CASK: variants seen among roughly 807,000 people sequenced by gnomAD.
CASK encodes the protein peripheral plasma membrane protein CASK.
CASK carries 4 observed loss-of-function variants against 82.9 expected under a neutral mutation model. That is an observed-to-expected ratio of 0.05 (90% CI 0.02 to 0.11). The LOEUF (loss-of-function observed/expected upper bound fraction) is 0.11. Among genes scored for constraint, CASK ranks in the 10% least tolerant of loss-of-function variants. The pLI, the probability that CASK is intolerant of heterozygous loss-of-function variation, is 1.00. For synonymous variants in CASK, 259 were observed against 253.5 expected, an observed-to-expected ratio of 1.02 and a Z score of -0.20; for missense variants, 358 against 720.9, an observed-to-expected ratio of 0.50 and a Z score of 5.76.
intron 3 of CASK, among the ~76,000 whole-genome samples, chrX:41,761,379 A>T (rs990169033): frequency 2.7e-5 from 3 of 111,579 alleles, no homozygotes; most frequent in African/African-American, 9.8e-5. Flanking sequence ...AAGGTGGTAC[A>T]GGTGAAGGAT....
At chrX:41,569,600 T>C (rs2065376081) in intron 16 of CASK, 68 bp downstream of exon 16, 1 of 781,166 alleles carries the variant, frequency 1.3e-6, no homozygotes, top group African/African-American at 2.1e-5. Flanking sequence ...AACAAAAACA[T>C]TTTCTTCACT....
At chrX:41,617,340 T>C (rs987806195) in intron 11 of CASK, among the ~76,000 whole-genome samples, 1 of 112,532 alleles carries the variant, frequency 8.9e-6, no homozygotes, top group Non-Finnish European at 1.9e-5. Context: ...TGATGGGTTC[T>C]CAATCATGAA....
rs777521686 is a variant in CASK at position 41,596,751 on chromosome X, A to C, written c.1156-7159T>G. On this transcript the variant is annotated intron_variant, in intron 12 of 26. Transcript: ENST00000378163. Reference sequence around the variant, plus strand: ...ATGTGAACAGCTGCAAGGGAAACAGACTGTCTCATATTGTCTCACAGATAG... The same window carrying C: ...ATGTGAACAGCTGCAAGGGAAACAGCCTGTCTCATATTGTCTCACAGATAG... 1.7e-3 allele frequency among the ~76,000 whole-genome samples: 192 copies of C among 112,216 alleles called. 1 individual carries two copies. Among genetic ancestry groups the C allele is most frequent in the African/African-American group, 6.0e-3 (185 of 30,898 alleles).
intron 2 of CASK, among the ~76,000 whole-genome samples, chrX:41,789,213 G>A (rs1228998346): frequency 8.9e-6 from 1 of 111,921 alleles, no homozygotes. Context: ...AGGATCTGGA[G>A]TCAGAAAATA....
intron 2 of CASK, among the ~76,000 whole-genome samples, chrX:41,842,806 G>A (rs910508991): frequency 2.7e-5 from 3 of 111,394 alleles, no homozygotes; most frequent in African/African-American, 3.3e-5. Context: ...AGGCAAACAC[G>A]AGAGATCTTA....
intron 2 of CASK, among the ~76,000 whole-genome samples, chrX:41,821,939 GC>G (rs931215968): frequency 8.9e-6 from 1 of 111,762 alleles, no homozygotes; most frequent in African/African-American, 3.3e-5. Flanking sequence ...GAAGATTCCT[GC>G]CCTAGCCCTC....
chrX:41,696,913 G>A lies in CASK; in HGVS notation c.430-25383C>T, dbSNP rs1308677372. ...TGCTTGTATTTGTGATATTTCATTT[G>A]CTTAACTGTAAACCATTTCAAGGTA... On this transcript the variant is annotated intron_variant, in intron 5 of 26. Transcript: ENST00000378163. 3 of 410,439 alleles carry A rather than the reference G, an allele frequency of 7.3e-6. No homozygotes were observed. In the Admixed American group the frequency reaches 1.5e-4, roughly 20 times the overall value. 33.8% of individuals were successfully genotyped at this position (410,439 alleles called of 1,213,427 possible).
chrX:41,914,818 A>G (rs1473896362), intron 1 of CASK, among the ~76,000 whole-genome samples: 1 of 112,000 alleles, frequency 8.9e-6, no homozygotes, highest in African/African-American at 3.2e-5. Flanking sequence ...AAACACAATT[A>G]GAGTGAAAAA....
chrX:41,565,825 G>A (rs902878544), intron 16 of CASK, among the ~76,000 whole-genome samples: 5 of 111,465 alleles, frequency 4.5e-5, no homozygotes, highest in African/African-American at 9.8e-5. Flanking sequence ...ACATTGATAC[G>A]AAAATCCTCC....
At chrX:41,740,973 C>T (rs1437542367) in intron 4 of CASK, among the ~76,000 whole-genome samples, 1 of 111,034 alleles carries the variant, frequency 9.0e-6, no homozygotes, top group Non-Finnish European at 1.9e-5. Flanking sequence ...ACCTCTGCCT[C>T]CTGGGTTCAA....
intron 7 of CASK, among the ~76,000 whole-genome samples, chrX:41,664,683 C>T (rs1031010598): frequency 2.7e-5 from 3 of 111,850 alleles, no homozygotes; most frequent in African/African-American, 9.8e-5. Flanking sequence ...TTTGTGATAT[C>T]GCTATTCATA....
intron 12 of CASK, among the ~76,000 whole-genome samples, chrX:41,606,336 G>T (rs2065961670): frequency 8.9e-6 from 1 of 112,038 alleles, no homozygotes; most frequent in East Asian, 2.8e-4. Flanking sequence ...CACGATCTCG[G>T]CTCACTGCAA....
chrX:41,921,003 G>C (rs2072770775), intron 1 of CASK, among the ~76,000 whole-genome samples: 1 of 112,010 alleles, frequency 8.9e-6, no homozygotes, highest in Admixed American at 9.5e-5. Context: ...TAAGAATGAG[G>C]AAACCAAGGA....
intron 8 of CASK, among the ~76,000 whole-genome samples, chrX:41,652,698 T>G (rs1169396130): frequency 5.4e-5 from 6 of 112,116 alleles, no homozygotes; most frequent in Non-Finnish European, 1.1e-4. Context: ...AGTTTCCGGA[T>G]AGCTGCACAC....
intron 6 of CASK, 126 bp from the exon 7 acceptor site, chrX:41,665,578 C>T: frequency 2.0e-6 from 1 of 510,257 alleles, no homozygotes. Context: ...CTCACCACTC[C>T]TCCACCTCTC....
At chrX:41,695,118 T>C in intron 5 of CASK, among the ~76,000 whole-genome samples, 1 of 111,355 alleles carries the variant, frequency 9.0e-6, no homozygotes. Context: ...TAAATTGAGT[T>C]ATTTTAATAT....
intron 5 of CASK, among the ~76,000 whole-genome samples, chrX:41,687,253 T>C (rs1380738473): frequency 8.9e-6 from 1 of 112,697 alleles, no homozygotes; most frequent in Non-Finnish European, 1.9e-5. Flanking sequence ...ATATGCATAC[T>C]CATGTTCACT....
intron 5 of CASK, chrX:41,697,858 G>A (rs1301577544): frequency 1.8e-5 from 2 of 109,438 alleles, no homozygotes; most frequent in African/African-American, 3.3e-5. Context: ...CTGGAGTGCA[G>A]TGGCCTGATC....
chrX:41,707,693 CGAGA>C (rs1044708653), intron 5 of CASK, among the ~76,000 whole-genome samples: 7 of 110,782 alleles, frequency 6.3e-5, no homozygotes, highest in African/African-American at 2.3e-4. Flanking sequence ...CATGAGAGAG[CGAGA>C]GAGAGAAAGA....
Sources: gnomAD v4.1 joint callset for allele counts (sites outside exome capture counted in the v4.1 genomes callset) on GRCh38, gnomAD v4.1.1 for gene constraint, MANE v1.5 for transcripts, NCBI Gene and HGNC (gene_info 2026-07-23, HGNC 2026-07-21) for gene names.